Variants in ARF1 observed in about 807,000 individuals in gnomAD.
ARF1 encodes the protein ADP-ribosylation factor 1.
In ARF1, 1 loss-of-function variant was observed where a neutral mutation model predicts 18.0. That is an observed-to-expected ratio of 0.06 (90% CI 0.02 to 0.26). The LOEUF is 0.26. ARF1 is among the 10% of genes least tolerant of loss of function. ARF1 has a pLI of 1.00. For missense variants in ARF1, 73 were observed against 247.2 expected (o/e 0.30, Z 4.73); for synonymous variants, 112 against 96.3 (o/e 1.16, Z -0.95).
intron 1 of ARF1, among the ~76,000 whole-genome samples, chr1:228,090,144 T>G (rs1232273176): frequency 6.6e-6 from 1 of 152,178 alleles, no homozygotes; most frequent in African/African-American, 2.4e-5. Context: ...TGCTGTGCCA[T>G]CGCACAGTCA....
At chr1:228,087,465 A>G (rs1317790242) in intron 1 of ARF1, among the ~76,000 whole-genome samples, 5 of 152,136 alleles carry the variant, frequency 3.3e-5, no homozygotes, top group African/African-American at 1.2e-4. Context: ...TGGTGGTGAC[A>G]TTTTCCTTAA....
intron 1 of ARF1, among the ~76,000 whole-genome samples, chr1:228,088,748 C>A (rs2032482001): frequency 6.6e-6 from 1 of 152,146 alleles, no homozygotes; most frequent in Non-Finnish European, 1.5e-5. Flanking sequence ...GGCCGCCACC[C>A]TTGGTCCTCT....
intron 1 of ARF1, among the ~76,000 whole-genome samples, chr1:228,084,364 C>G (rs2032325774): frequency 6.6e-6 from 1 of 152,258 alleles, no homozygotes; most frequent in South Asian, 2.1e-4. Context: ...TGGAGAATAG[C>G]TGTCACTTGT....
chr1:228,095,939 C>T (rs138970398), intron 1 of ARF1, among the ~76,000 whole-genome samples: 28 of 152,320 alleles, frequency 1.8e-4, no homozygotes, highest in African/African-American at 6.5e-4. Flanking sequence ...GAATAGGTGA[C>T]ATGTTCAAAA....
intron 1 of ARF1, among the ~76,000 whole-genome samples, chr1:228,095,910 A>G (rs1433550287): frequency 6.6e-6 from 1 of 152,238 alleles, no homozygotes; most frequent in Non-Finnish European, 1.5e-5. Flanking sequence ...TATAAATTTC[A>G]GAACTCATTT....
At chr1:228,084,241 T>A (rs953185994) in intron 1 of ARF1, among the ~76,000 whole-genome samples, 1 of 152,234 alleles carries the variant, frequency 6.6e-6, no homozygotes, top group African/African-American at 2.4e-5. Flanking sequence ...TGAAATGCCG[T>A]ACTATTAGCT....
chr1:228,096,995 G>C (rs1480507214), intron 1 of ARF1, 83 bp from the exon 2 acceptor site: 3 of 1,281,752 alleles, frequency 2.3e-6, no homozygotes, highest in Admixed American at 2.5e-5. Context: ...GGGTGAGGCA[G>C]TGGTGCATCC....
chr1:228,087,989 G>A (rs987527317), intron 1 of ARF1: 1 of 152,182 alleles, frequency 6.6e-6, no homozygotes, highest in African/African-American at 2.4e-5. Flanking sequence ...TTTTGCCATT[G>A]TTTTCTCCTC....
chr1:228,090,866 A>G (rs756709323), intron 1 of ARF1: 2 of 152,322 alleles, frequency 1.3e-5, no homozygotes, highest in Non-Finnish European at 2.9e-5. Flanking sequence ...AGCATTTGCC[A>G]TGATGCCATG....
rs1395635192 is a variant in ARF1 at position 228,097,308 on chromosome 1, A to G, written c.149-34A>G. 3.7e-6 allele frequency: 6 copies of G among 1,609,954 alleles called. No individual in the cohort carries two copies. Among genetic ancestry groups the G allele is most frequent in the Middle Eastern group, 1.6e-4 (1 of 6,068 alleles). On this transcript the variant is annotated intron_variant, in intron 2 of 4. Transcript: ENST00000272102. This position sits in a 1 kb window ranked among gnomAD's most constrained non-coding sequence, Gnocchi z 8.1. ...GAGTGGGCTGGGCTGGGCTGGGCCAAGGTACAAGGCCTCACCCTGCATCCC... is the reference window on the plus strand; with the variant it reads ...GAGTGGGCTGGGCTGGGCTGGGCCAGGGTACAAGGCCTCACCCTGCATCCC...
intron 1 of ARF1, among the ~76,000 whole-genome samples, chr1:228,088,561 A>C (rs923248339): frequency 3.3e-5 from 5 of 152,218 alleles, no homozygotes; most frequent in African/African-American, 1.2e-4. Flanking sequence ...AGGTGTTCTG[A>C]AGTTCCAGGA....
At chr1:228,087,535 G>T (rs1219803090) in intron 1 of ARF1, among the ~76,000 whole-genome samples, 2 of 152,188 alleles carry the variant, frequency 1.3e-5, no homozygotes, top group Non-Finnish European at 2.9e-5. Context: ...TACTTGGGAG[G>T]CTGAGGCAGG....
rs1231635156 is a variant in ARF1, at chr1:228,098,172, C to G, written c.*159C>G. On this transcript the variant is annotated 3_prime_UTR_variant, in exon 5 of 5. Coordinates refer to ENST00000272102, the MANE Select transcript of ARF1 (RefSeq NM_001658.4). ...GTGGCAGACGCAGCCTGCGGCCAGG[C>G]TTTTTATTTAATGTAAATAGTTTTT... The G allele has an allele frequency of 2.3e-5, 19 of 826,710 alleles. No homozygotes were observed. Among genetic ancestry groups the G allele is most frequent in the East Asian group, 2.9e-5 (1 of 33,948 alleles). The allele number at this position is 826,710 out of a possible 1,614,324, so 51.2% of individuals were successfully genotyped here. A position where few individuals can be genotyped will look rare whatever the true frequency, so the allele number is the denominator to read the frequency against.
In ARF1 at chr1:228,098,493, T is replaced by C. The variant is rs2124859426; in HGVS notation, c.*480T>C. ...AGGGAGACCCCGCCTAGCATAGATT[T>C]GCAGTTACGGCCTGGATGCCAGTCG... On this transcript the variant is annotated 3_prime_UTR_variant, in exon 5 of 5. Coordinates refer to ENST00000272102, the MANE Select transcript of ARF1 (RefSeq NM_001658.4). The C allele has an allele frequency of 6.5e-6, 1 of 153,128 alleles. No individual in the cohort carries two copies. Among genetic ancestry groups the C allele is most frequent in the South Asian group, 2.1e-4 (1 of 4,868 alleles). The allele number at this position is 153,128 out of a possible 1,614,324, so 9.5% of individuals were successfully genotyped here.
chr1:228,094,434 G>A (rs2124852960), intron 1 of ARF1, among the ~76,000 whole-genome samples: 1 of 152,180 alleles, frequency 6.6e-6, no homozygotes, highest in African/African-American at 2.4e-5. Flanking sequence ...ACTCATAAAA[G>A]GCCCTCTTTT....
chr1:228,089,748 C>CTT lies in ARF1; in HGVS notation c.-38+6992_-38+6993dup, dbSNP rs905186158. Reference sequence around the variant, plus strand: ...CCAGCAGTGTGCTGTTCCAGTTCCCCTTTTTTTTTTCAAGTGGTGTAGAAA... The same window carrying CTT: ...CCAGCAGTGTGCTGTTCCAGTTCCCCTTTTTTTTTTTTCAAGTGGTGTAGAAA... On this transcript the variant is annotated intron_variant, in intron 1 of 4. Coordinates refer to ENST00000272102, the MANE Select transcript of ARF1 (RefSeq NM_001658.4). The surrounding 1 kb of genome is among the most constrained non-coding windows in gnomAD (Gnocchi z 4.1). Among the ~76,000 whole-genome samples the CTT allele has an allele frequency of 3.3e-5, 5 of 149,372 alleles. No homozygotes were observed. Among genetic ancestry groups the CTT allele is most frequent in the African/African-American group, 9.8e-5 (4 of 40,684 alleles).
chr1:228,089,409 A>T lies in ARF1; in HGVS notation c.-38+6644A>T, dbSNP rs1222225758. On this transcript the variant is annotated intron_variant, in intron 1 of 4. Coordinates refer to ENST00000272102, the MANE Select transcript of ARF1 (RefSeq NM_001658.4). The surrounding 1 kb of genome is among the most constrained non-coding windows in gnomAD (Gnocchi z 4.1). ...TCTCTTTACATGTCTGACTGACCAGAGTGGGGTGGGGTGGCAAGGTGGTGC... is the reference window on the plus strand; with the variant it reads ...TCTCTTTACATGTCTGACTGACCAGTGTGGGGTGGGGTGGCAAGGTGGTGC... Among the ~76,000 whole-genome samples the T allele has an allele frequency of 6.6e-6, 1 of 152,060 alleles. No individual in the cohort carries two copies. The highest frequency in any genetic ancestry group is 1.5e-5 in the Non-Finnish European group (1 of 68,002).
rs72756221 is a variant in ARF1 at position 228,093,606 on chromosome 1, C to G, written c.-37-3472C>G. Among the ~76,000 whole-genome samples, 372 of 142,764 alleles carry G rather than the reference C, an allele frequency of 2.6e-3. 2 individuals carry two copies. The highest frequency in any genetic ancestry group is 3.6e-3 in the Middle Eastern group (1 of 278). 93.7% of individuals were successfully genotyped at this position (142,764 alleles called of 152,430 possible). A position where few individuals can be genotyped will look rare whatever the true frequency, so the allele number is the denominator to read the frequency against. On this transcript the variant is annotated intron_variant, in intron 1 of 4. Transcript: ENST00000272102. ...GGGTGGCTTCCCTCCTTTGGGGACT[C>G]TTAACGCTTTGGTCTGTTAAAAAAA...
intron 1 of ARF1, among the ~76,000 whole-genome samples, chr1:228,093,663 C>T (rs542305017): frequency 6.6e-6 from 1 of 151,794 alleles, no homozygotes; most frequent in Non-Finnish European, 1.5e-5. Flanking sequence ...TGGCTCACTC[C>T]TGTAATCCCA....
Sources: gnomAD v4.1 joint callset for allele counts (sites outside exome capture counted in the v4.1 genomes callset) on GRCh38, gnomAD v4.1.1 for gene constraint, Gnocchi (gnomAD v3.1) non-coding constraint, MANE v1.5 for transcripts, NCBI Gene and HGNC (gene_info 2026-07-23, HGNC 2026-07-21) for gene names.